Variants in LRP6 observed in about 807,000 individuals in gnomAD.
The protein encoded by LRP6 is LDL receptor related protein 6.
Under a neutral mutation model 184.1 loss-of-function variants are expected in LRP6, and 43 were observed. The observed-to-expected ratio is 0.23, with a 90% CI of 0.18 to 0.30. The LOEUF (loss-of-function observed/expected upper bound fraction) is 0.30. Ranked by LOEUF, LRP6 falls within the 10% of genes least tolerant of loss-of-function variation. LRP6 has a pLI of 1.00. For missense variants in LRP6, 1,571 were observed against 2,005.3 expected (o/e 0.78, Z 4.14); for synonymous variants, 719 against 684.9 (o/e 1.05, Z -0.78).
intron 2 of LRP6, among the ~76,000 whole-genome samples, chr12:12,209,862 G>A (rs1864163085): frequency 6.6e-6 from 1 of 152,126 alleles, no homozygotes; most frequent in Non-Finnish European, 1.5e-5. Context: ...AGTATATTGA[G>A]GAAGGTATAA....
At chr12:12,193,679 T>G (rs1173167714) in intron 3 of LRP6, among the ~76,000 whole-genome samples, 2 of 151,954 alleles carry the variant, frequency 1.3e-5, no homozygotes, top group African/African-American at 4.8e-5. Flanking sequence ...TAAAACTGAC[T>G]CAAGAAGAAA....
chr12:12,208,474 C>T (rs1864122838), intron 2 of LRP6, among the ~76,000 whole-genome samples: 1 of 152,188 alleles, frequency 6.6e-6, no homozygotes, highest in South Asian at 2.1e-4. Flanking sequence ...GGTAACTTTT[C>T]TTAGAAACCT....
At chr12:12,146,235 C>T (rs1178784146) in intron 15 of LRP6, among the ~76,000 whole-genome samples, 2 of 152,136 alleles carry the variant, frequency 1.3e-5, no homozygotes, top group Non-Finnish European at 2.9e-5. Context: ...ATCACCAGAT[C>T]AAAGGGAATG....
chr12:12,145,883 C>T (rs370103294), intron 15 of LRP6, among the ~76,000 whole-genome samples: 43 of 152,126 alleles, frequency 2.8e-4, no homozygotes, highest in Non-Finnish European at 5.3e-4. Context: ...CCACCCTCTT[C>T]GGCCTCTCAA....
chr12:12,229,226 C>G (rs140395825), intron 2 of LRP6, among the ~76,000 whole-genome samples: 157 of 152,196 alleles, frequency 1.0e-3, no homozygotes, highest in Admixed American at 3.3e-3. Flanking sequence ...CAAAATTAGC[C>G]TGGCATGGTG....
intron 22 of LRP6, among the ~76,000 whole-genome samples, chr12:12,121,769 A>G (rs1949610531): frequency 6.6e-6 from 1 of 152,238 alleles, no homozygotes; most frequent in African/African-American, 2.4e-5. Context: ...GCCCATGGGA[A>G]GAATGGGTTT....
intron 17 of LRP6, among the ~76,000 whole-genome samples, chr12:12,134,635 T>G (rs1047077563): frequency 6.6e-6 from 1 of 152,170 alleles, no homozygotes; most frequent in Non-Finnish European, 1.5e-5. Context: ...CAAAAGAATA[T>G]TCTTTCCATC....
chr12:12,264,705 G>T (rs542072726), intron 1 of LRP6, among the ~76,000 whole-genome samples: 1 of 152,228 alleles, frequency 6.6e-6, no homozygotes, highest in Non-Finnish European at 1.5e-5. Context: ...CTCAAAGAAT[G>T]AATTAATTCT....
intron 1 of LRP6, among the ~76,000 whole-genome samples, chr12:12,266,324 G>C (rs1013009545): frequency 6.6e-6 from 1 of 152,164 alleles, no homozygotes; most frequent in Non-Finnish European, 1.5e-5. Flanking sequence ...CATTTTAAAA[G>C]CCAAAATACG....
chr12:12,257,556 G>C lies in LRP6; in HGVS notation c.55+9125C>G, dbSNP rs1865494494. Among the ~76,000 whole-genome samples the C allele has an allele frequency of 2.0e-5, 3 of 146,810 alleles. No individual in the cohort carries two copies. In the South Asian group the frequency reaches 6.5e-4, roughly 32 times the overall value. On this transcript the variant is annotated intron_variant, in intron 1 of 22. Coordinates refer to ENST00000261349, the MANE Select transcript of LRP6 (RefSeq NM_002336.3). Reference sequence around the variant, plus strand: ...AGATCACGCCACTGCACTCCAGCCTGGGCGACAGAGCAAGACTCCCTCTCA... The same window carrying C: ...AGATCACGCCACTGCACTCCAGCCTCGGCGACAGAGCAAGACTCCCTCTCA...
chr12:12,127,523 C>T (rs1949689320), intron 19 of LRP6, among the ~76,000 whole-genome samples: 3 of 152,106 alleles, frequency 2.0e-5, no homozygotes, highest in Admixed American at 2.0e-4. Context: ...TGTCTAGTTG[C>T]CTGAGACCAA....
At chr12:12,135,560 CT>C (rs1949827009) in intron 16 of LRP6, among the ~76,000 whole-genome samples, 1 of 150,642 alleles carries the variant, frequency 6.6e-6, no homozygotes, top group Non-Finnish European at 1.5e-5. Context: ...GTGGTGTGAT[CT>C]TGGCTCACTG....
chr12:12,130,689 G>A, intron 19 of LRP6, 94 bp downstream of exon 19: 1 of 759,912 alleles, frequency 1.3e-6, no homozygotes, highest in Admixed American at 2.0e-5. Context: ...TTATTACTTA[G>A]AAAGGAAATC....
intron 3 of LRP6, among the ~76,000 whole-genome samples, chr12:12,198,629 A>T (rs538932309): frequency 2.9e-4 from 41 of 139,714 alleles, no homozygotes; most frequent in Middle Eastern, 4.2e-3. Flanking sequence ...TGCCTCCCGG[A>T]TTCAAGCGAT....
intron 12 of LRP6, among the ~76,000 whole-genome samples, chr12:12,153,157 G>A (rs1302165275): frequency 6.6e-6 from 1 of 152,132 alleles, no homozygotes; most frequent in Non-Finnish European, 1.5e-5. Context: ...TATTTTGGCA[G>A]TACTACTTTC....
intron 1 of LRP6, among the ~76,000 whole-genome samples, chr12:12,255,566 C>CTTTTTTTT (rs749441005): frequency 2.6e-5 from 3 of 114,142 alleles, no homozygotes; most frequent in Admixed American, 9.4e-5. Context: ...GGTTTGGTCA[C>CTTTTTTTT]TTTTTTTTTT....
chr12:12,231,998 CAA>C (rs374411032), intron 2 of LRP6, among the ~76,000 whole-genome samples: 1 of 129,680 alleles, frequency 7.7e-6, no homozygotes. Flanking sequence ...GACCCTGCCT[CAA>C]AAAAAAAAAC....
intron 14 of LRP6, among the ~76,000 whole-genome samples, chr12:12,148,002 A>G (rs1950033436): frequency 7.0e-6 from 1 of 141,942 alleles, no homozygotes; most frequent in Non-Finnish European, 1.5e-5. Flanking sequence ...ATCCTCTTTT[A>G]TATAAATATA....
Position 12,183,987 on chromosome 12 carries a change from G to A in LRP6, c.969C>T (p.Cys323=). ...TGGATAATATCTTCTTACCATCTTT[G>A]CAGGTTTTTCCATTCTCCAGGAGTT... ...GVKLLENGKT[C]KDGATELLLL... The change falls in exon 5 of 23, where the codon TGC becomes TGT. Residue 323 remains cysteine (C), a synonymous_variant. Coordinates refer to ENST00000261349, the MANE Select transcript of LRP6 (RefSeq NM_002336.3). 1.2e-6 allele frequency: 2 copies of A among 1,613,002 alleles called. No homozygotes were observed. The highest frequency in any genetic ancestry group is 1.7e-6 in the Non-Finnish European group (2 of 1,179,118).
Sources: allele counts gnomAD v4.1 joint callset (sites outside exome capture counted in the v4.1 genomes callset), GRCh38; gene constraint gnomAD v4.1.1; transcripts MANE v1.5; gene names NCBI Gene and HGNC (gene_info 2026-07-23, HGNC 2026-07-21).